LIN7A: variants seen among roughly 807,000 people sequenced by gnomAD.
LIN7A encodes lin-7 cell polarity scaffold A.
LIN7A carries 25 observed loss-of-function variants against 29.8 expected under a neutral mutation model. That is an observed-to-expected ratio of 0.84 (90% confidence interval 0.61 to 1.17). The LOEUF is 1.17. LIN7A is among the 50% of genes most tolerant of loss of function. The pLI, the probability that LIN7A is intolerant of heterozygous loss-of-function variation, is 0.00. For missense variants in LIN7A, 239 were observed against 287.0 expected, an observed-to-expected ratio of 0.83 and a Z score of 1.21; for synonymous variants, 118 against 107.5, an observed-to-expected ratio of 1.10 and a Z score of -0.60.
chr12:80,798,974 C>G (rs1870589621), intron 5 of LIN7A, among the ~76,000 whole-genome samples: 2 of 152,188 alleles, frequency 1.3e-5, no homozygotes, highest in South Asian at 4.1e-4. Flanking sequence ...CGCAGGTAAT[C>G]TGCCTGCCTT....
chr12:80,805,167 T>C (rs1870916296), intron 5 of LIN7A, among the ~76,000 whole-genome samples: 1 of 152,194 alleles, frequency 6.6e-6, no homozygotes, highest in Non-Finnish European at 1.5e-5. Context: ...ACACACTAAT[T>C]GTTTAATAAG....
chr12:80,841,395 GGAA>G, intron 4 of LIN7A, among the ~76,000 whole-genome samples: 1 of 144,886 alleles, frequency 6.9e-6, no homozygotes, highest in Admixed American at 6.8e-5. Flanking sequence ...AAGGAAGGAA[GGAA>G]GGAAGGAAGG....
rs1393453289 is a variant in LIN7A, at chr12:80,841,726, T to C, written c.483+4004A>G. The C allele has an allele frequency of 3.2e-5, 6 of 186,278 alleles. No individual in the cohort carries two copies. The East Asian group carries it at 1.1e-3, about 34-fold the overall frequency. The allele number at this position is 186,278 out of a possible 1,614,324, so 11.5% of individuals were successfully genotyped here. ...TGAGACTTTTTATATCCTGACTCTATCACTAAATATATTTACGGTTGCCGC... is the reference window on the plus strand; with the variant it reads ...TGAGACTTTTTATATCCTGACTCTACCACTAAATATATTTACGGTTGCCGC... On this transcript the variant is annotated intron_variant, in intron 4 of 5. Coordinates refer to ENST00000552864, the MANE Select transcript of LIN7A (RefSeq NM_004664.4).
chr12:80,869,680 A>G (rs1874326576), intron 2 of LIN7A, among the ~76,000 whole-genome samples: 1 of 152,190 alleles, frequency 6.6e-6, no homozygotes, highest in African/African-American at 2.4e-5. Context: ...AAAATAGTAT[A>G]GGTATTGTCA....
At chr12:80,906,550 C>T (rs1006010218) in intron 1 of LIN7A, among the ~76,000 whole-genome samples, 2 of 151,848 alleles carry the variant, frequency 1.3e-5, no homozygotes, top group Non-Finnish European at 2.9e-5. Context: ...TTTGGGGTTC[C>T]TTTTTCTAAG....
chr12:80,851,275 A>T (rs1310992872), intron 2 of LIN7A, among the ~76,000 whole-genome samples: 6 of 152,152 alleles, frequency 3.9e-5, no homozygotes, highest in Non-Finnish European at 1.5e-5. Context: ...TCATTAGTCC[A>T]CAGTGAAATA....
intron 5 of LIN7A, among the ~76,000 whole-genome samples, chr12:80,807,077 T>TTTTTTGTTTGTTTG (rs1555221362): frequency 0.019 from 2,146 of 115,556 alleles, 110 homozygotes; most frequent in Non-Finnish European, 0.03. Flanking sequence ...TTTTTTTTTT[T>TTTTTTGTTTGTTTG]TTTTTTTTTT....
intron 4 of LIN7A, chr12:80,842,063 A>G (rs1276320599): frequency 1.6e-6 from 2 of 1,286,510 alleles, no homozygotes; most frequent in Non-Finnish European, 2.0e-6. Flanking sequence ...AGGGATAGAA[A>G]AAATTTTCTC....
chr12:80,869,624 C>A (rs1221885816), intron 2 of LIN7A, among the ~76,000 whole-genome samples: 1 of 152,056 alleles, frequency 6.6e-6, no homozygotes, highest in Non-Finnish European at 1.5e-5. Context: ...GGAATCATTT[C>A]ATGGAATAAC....
chr12:80,908,519 G>A (rs1876596731), intron 1 of LIN7A, among the ~76,000 whole-genome samples: 2 of 152,028 alleles, frequency 1.3e-5, no homozygotes, highest in Admixed American at 6.6e-5. Flanking sequence ...CAAGTAAAAT[G>A]TAATTACTGG....
At chr12:80,814,626 G>A (rs1042752760) in intron 4 of LIN7A, among the ~76,000 whole-genome samples, 7 of 152,090 alleles carry the variant, frequency 4.6e-5, no homozygotes, top group African/African-American at 1.2e-4. Context: ...AGGCTCTCAC[G>A]GTGGTGGTGA....
At chr12:80,832,057 G>T (rs2121528049) in intron 4 of LIN7A, among the ~76,000 whole-genome samples, 1 of 152,284 alleles carries the variant, frequency 6.6e-6, no homozygotes. Context: ...TGGTCAAATA[G>T]ATATTGTGCC....
chr12:80,925,904 A>G (rs1202335562), intron 1 of LIN7A, among the ~76,000 whole-genome samples: 1 of 152,148 alleles, frequency 6.6e-6, no homozygotes, highest in Non-Finnish European at 1.5e-5. Context: ...ATACCTGACT[A>G]CCACCCTCTA....
At chr12:80,837,623 G>A (rs1171054955) in intron 4 of LIN7A, among the ~76,000 whole-genome samples, 1 of 152,058 alleles carries the variant, frequency 6.6e-6, no homozygotes, top group Non-Finnish European at 1.5e-5. Context: ...TGGCTTCCAG[G>A]GCTGTGAGAT....
At chr12:80,875,408 T>C (rs1240346021) in intron 2 of LIN7A, among the ~76,000 whole-genome samples, 2 of 152,232 alleles carry the variant, frequency 1.3e-5, no homozygotes, top group Admixed American at 6.5e-5. Context: ...TAACCCTGTA[T>C]ACATTACCAA....
intron 4 of LIN7A, among the ~76,000 whole-genome samples, chr12:80,816,068 T>C (rs1871516015): frequency 6.6e-6 from 1 of 152,180 alleles, no homozygotes; most frequent in Admixed American, 6.5e-5. Context: ...TGAAAATGCT[T>C]CTATCTTTAG....
At chr12:80,810,046 T>C (rs1207422009) in intron 5 of LIN7A, among the ~76,000 whole-genome samples, 1 of 152,224 alleles carries the variant, frequency 6.6e-6, no homozygotes, top group Non-Finnish European at 1.5e-5. Context: ...TCTCAGCTAT[T>C]TTGAAATATG....
chr12:80,855,470 CTT>C (rs1447011239), intron 2 of LIN7A, among the ~76,000 whole-genome samples: 2 of 152,060 alleles, frequency 1.3e-5, no homozygotes, highest in South Asian at 4.1e-4. Flanking sequence ...TGGTATCTGA[CTT>C]TAAAATATTT....
intron 2 of LIN7A, among the ~76,000 whole-genome samples, chr12:80,858,080 C>T (rs1167399632): frequency 6.6e-6 from 1 of 152,140 alleles, no homozygotes; most frequent in Non-Finnish European, 1.5e-5. Context: ...CATAATATAG[C>T]ACAGTCTTCA....
Sources: gnomAD v4.1 joint callset for allele counts (sites outside exome capture counted in the v4.1 genomes callset) on GRCh38, gnomAD v4.1.1 for gene constraint, MANE v1.5 for transcripts, NCBI Gene and HGNC (gene_info 2026-07-23, HGNC 2026-07-21) for gene names.